The following AGMO variants were observed in gnomAD, a reference collection of about 807,000 sequenced individuals.
AGMO encodes the protein alkylglycerol monooxygenase.
A neutral mutation model predicts 60.2 loss-of-function variants in AGMO; 75 were observed. That is an observed-to-expected ratio of 1.25 (90% CI 1.03 to 1.51). AGMO has a LOEUF of 1.51. AGMO is among the 40% of genes most tolerant of loss of function. The pLI is 0.00. For synonymous variants in AGMO, 261 were observed against 177.1 expected (o/e 1.47, Z -3.76); for missense variants, 763 against 525.5 (o/e 1.45, Z -4.42).
At chr7:15,354,017 G>C (rs1380051672) in intron 12 of AGMO, among the ~76,000 whole-genome samples, 2 of 152,010 alleles carry the variant, frequency 1.3e-5, no homozygotes, top group East Asian at 3.9e-4. Context: ...GTCAAAACTA[G>C]TCTTTTATAA....
At chr7:15,347,796 C>G (rs1040248861) in intron 12 of AGMO, among the ~76,000 whole-genome samples, 1 of 151,968 alleles carries the variant, frequency 6.6e-6, no homozygotes, top group Non-Finnish European at 1.5e-5. Context: ...CTTATGACTC[C>G]TGAGAGTTTC....
At chr7:15,275,727 G>A (rs1197134464) in intron 12 of AGMO, among the ~76,000 whole-genome samples, 1 of 151,934 alleles carries the variant, frequency 6.6e-6, no homozygotes, top group Non-Finnish European at 1.5e-5. Flanking sequence ...CTGGTGTTGG[G>A]TGCATATATA....
In AGMO at chr7:15,322,967, G is replaced by GTA. The variant is rs201797047; in HGVS notation, c.1263+42545_1263+42546dup. Among the ~76,000 whole-genome samples, 205 of 59,238 alleles carry GTA rather than the reference G, an allele frequency of 3.5e-3. 1 individual carries two copies. Among genetic ancestry groups the GTA allele is most frequent in the African/African-American group, 0.018 (192 of 10,588 alleles). The allele number at this position is 59,238 out of a possible 152,430, so 38.9% of individuals were successfully genotyped here. On this transcript the variant is annotated intron_variant, in intron 12 of 12. Coordinates refer to ENST00000342526, the MANE Select transcript of AGMO (RefSeq NM_001004320.2). The stretch of plus-strand genomic sequence containing the variant: ...GTGCATATATATATAACACGTGTGT[G>GTA]TATATATATATGTATTTATTTTTTA...
At chr7:15,483,778 C>A (rs972051007) in intron 3 of AGMO, among the ~76,000 whole-genome samples, 4 of 151,986 alleles carry the variant, frequency 2.6e-5, no homozygotes, top group African/African-American at 9.7e-5. Flanking sequence ...AAATTCAATA[C>A]AATTGTAATT....
intron 11 of AGMO, 44 bp from the exon 12 acceptor site, chr7:15,365,663 C>G: frequency 7.8e-7 from 1 of 1,281,692 alleles, no homozygotes; most frequent in Non-Finnish European, 1.1e-6. Flanking sequence ...TAAATATGCT[C>G]TTTATATGTT....
intron 12 of AGMO, among the ~76,000 whole-genome samples, chr7:15,287,898 A>G (rs1016911719): frequency 1.3e-5 from 2 of 152,198 alleles, no homozygotes; most frequent in Non-Finnish European, 2.9e-5. Flanking sequence ...TTTTGAGTCA[A>G]TCAACAGTTA....
At chr7:15,170,260 T>G in the AGMO span, among the ~76,000 whole-genome samples, 1 of 152,224 alleles carries the variant, frequency 6.6e-6, no homozygotes, top group Non-Finnish European at 1.5e-5. Context: ...TACCTCTGGA[T>G]CTCTTGATTT....
the AGMO span, among the ~76,000 whole-genome samples, chr7:15,164,568 A>T: frequency 6.6e-6 from 1 of 152,130 alleles, no homozygotes; most frequent in Non-Finnish European, 1.5e-5. Flanking sequence ...AGGAAAGGAC[A>T]TGAACAGACA....
At chr7:15,242,333 G>C (rs371941390) in intron 12 of AGMO, among the ~76,000 whole-genome samples, 1 of 152,266 alleles carries the variant, frequency 6.6e-6, no homozygotes. Context: ...GGATCTTCCA[G>C]ATAGTGAGAA....
intron 12 of AGMO, among the ~76,000 whole-genome samples, chr7:15,312,154 A>C (rs757834006): frequency 4.6e-5 from 7 of 152,130 alleles, no homozygotes; most frequent in Non-Finnish European, 8.8e-5. Flanking sequence ...ACAAACATGT[A>C]ATTAGAGTTC....
chr7:15,347,692 C>G (rs1160083135), intron 12 of AGMO, among the ~76,000 whole-genome samples: 1 of 151,826 alleles, frequency 6.6e-6, no homozygotes, highest in East Asian at 1.9e-4. Flanking sequence ...TTAAAATCTC[C>G]TGATTAAAAA....
intron 12 of AGMO, among the ~76,000 whole-genome samples, chr7:15,317,055 T>C (rs527446083): frequency 2.0e-4 from 30 of 152,298 alleles, no homozygotes; most frequent in African/African-American, 7.2e-4. Context: ...ATTTTAAAAA[T>C]ACTTCCAGTT....
In AGMO at chr7:15,428,276, G is replaced by A. The variant is rs143509174; in HGVS notation, c.513+2729C>T. Among the ~76,000 whole-genome samples, 780 of 152,114 alleles carry A rather than the reference G, an allele frequency of 5.1e-3. 6 individuals are homozygous for A. Among genetic ancestry groups the A allele is most frequent in the African/African-American group, 0.018 (740 of 41,500 alleles). On this transcript the variant is annotated intron_variant, in intron 4 of 12. Coordinates refer to ENST00000342526, the MANE Select transcript of AGMO (RefSeq NM_001004320.2). ...AAAACATCTCTCCTATCTTCCAAGG[G>A]ACCTAGAAATGCTAGGTAAGAATCC...
intron 3 of AGMO, among the ~76,000 whole-genome samples, chr7:15,541,146 G>C (rs1784619435): frequency 6.6e-6 from 1 of 151,920 alleles, no homozygotes; most frequent in African/African-American, 2.4e-5. Flanking sequence ...TTTTGAGACG[G>C]GGTCTCGCTC....
At chr7:15,124,856 G>A in the AGMO span, among the ~76,000 whole-genome samples, 1 of 152,014 alleles carries the variant, frequency 6.6e-6, no homozygotes, top group Non-Finnish European at 1.5e-5. Context: ...CTGAAGTCAT[G>A]GAAGCACTTA....
At chr7:15,393,140 A>T (rs1784219295) in intron 6 of AGMO, among the ~76,000 whole-genome samples, 1 of 152,220 alleles carries the variant, frequency 6.6e-6, no homozygotes, top group Non-Finnish European at 1.5e-5. Context: ...GAATTGGAGA[A>T]TGACTGTTGA....
intron 1 of AGMO, among the ~76,000 whole-genome samples, chr7:15,561,281 C>T (rs1396324698): frequency 6.6e-6 from 1 of 152,252 alleles, no homozygotes; most frequent in South Asian, 2.1e-4. Context: ...TGGACCTGGT[C>T]AAGCTGCATA....
chr7:15,545,407 G>A (rs935643334), intron 2 of AGMO, among the ~76,000 whole-genome samples: 1 of 151,898 alleles, frequency 6.6e-6, no homozygotes, highest in East Asian at 1.9e-4. Flanking sequence ...CATAAAATTT[G>A]CCTTTAGGTT....
intron 12 of AGMO, among the ~76,000 whole-genome samples, chr7:15,277,277 C>T (rs1473913735): frequency 6.6e-6 from 1 of 151,782 alleles, no homozygotes; most frequent in Non-Finnish European, 1.5e-5. Flanking sequence ...TGCACTCCAA[C>T]ATGGGTTACA....
Sources: gnomAD v4.1 joint callset for allele counts (sites outside exome capture counted in the v4.1 genomes callset) on GRCh38, gnomAD v4.1.1 for gene constraint, MANE v1.5 for transcripts, NCBI Gene and HGNC (gene_info 2026-07-23, HGNC 2026-07-21) for gene names.